Variants in MAD1L1 observed in about 807,000 individuals in gnomAD.
The protein encoded by MAD1L1 is mitotic spindle assembly checkpoint protein MAD1.
A neutral mutation model predicts 96.9 loss-of-function variants in MAD1L1; 95 were observed. That is an observed-to-expected ratio of 0.98 (90% CI 0.83 to 1.16). The LOEUF is 1.16. Among genes scored for constraint, MAD1L1 ranks in the 50% most tolerant of loss-of-function variants. The pLI, the probability that MAD1L1 is intolerant of heterozygous loss-of-function variation, is 0.00. For synonymous variants in MAD1L1, 473 were observed against 396.6 expected, an observed-to-expected ratio of 1.19 and a Z score of -2.29; for missense variants, 1,007 against 954.4, an observed-to-expected ratio of 1.06 and a Z score of -0.73.
At chr7:1,961,353 G>A (rs551148548) in intron 15 of MAD1L1, among the ~76,000 whole-genome samples, 11 of 152,316 alleles carry the variant, frequency 7.2e-5, no homozygotes, top group South Asian at 2.1e-4. Flanking sequence ...CGTTAAAGCC[G>A]TAGTAATCAC....
At chr7:2,055,292 G>C (rs1290725055) in intron 12 of MAD1L1, among the ~76,000 whole-genome samples, 2 of 152,172 alleles carry the variant, frequency 1.3e-5, no homozygotes, top group Admixed American at 1.3e-4. Context: ...GGAGCTGGGG[G>C]TGAGCCAGGC....
chr7:1,880,919 C>G (rs993770444), intron 18 of MAD1L1, among the ~76,000 whole-genome samples: 1 of 152,186 alleles, frequency 6.6e-6, no homozygotes, highest in Non-Finnish European at 1.5e-5. Context: ...AGGAGTGGAG[C>G]CTGGAGCCTG....
chr7:1,977,085 T>A (rs1382789782), intron 15 of MAD1L1, among the ~76,000 whole-genome samples: 2 of 152,256 alleles, frequency 1.3e-5, no homozygotes, highest in Non-Finnish European at 2.9e-5. Context: ...GGGGCAGAGC[T>A]GCCTGCCAGT....
chr7:1,948,012 C>T (rs907062857), intron 16 of MAD1L1, among the ~76,000 whole-genome samples: 8 of 152,280 alleles, frequency 5.3e-5, no homozygotes, highest in Admixed American at 1.3e-4. Context: ...GACCAGTGCC[C>T]GGGAGCGGTG....
intron 12 of MAD1L1, among the ~76,000 whole-genome samples, chr7:2,037,674 A>G (rs1783500731): frequency 6.6e-6 from 1 of 152,110 alleles, no homozygotes; most frequent in African/African-American, 2.4e-5. Flanking sequence ...TACTGCTGTC[A>G]TTGATTCTGG....
At chr7:1,986,353 ACGC>A (rs1781140525) in intron 14 of MAD1L1, among the ~76,000 whole-genome samples, 1 of 151,492 alleles carries the variant, frequency 6.6e-6, no homozygotes. Context: ...TTGGAACCAC[ACGC>A]CAGTCCAGCT....
intron 10 of MAD1L1, among the ~76,000 whole-genome samples, chr7:2,194,642 C>T (rs1791894282): frequency 6.6e-6 from 1 of 152,102 alleles, no homozygotes; most frequent in Non-Finnish European, 1.5e-5. Flanking sequence ...AATACCCAGC[C>T]CTTTACAGAA....
intron 1 of MAD1L1, among the ~76,000 whole-genome samples, chr7:2,231,671 A>G (rs527827859): frequency 6.6e-6 from 1 of 152,352 alleles, no homozygotes; most frequent in South Asian, 2.1e-4. Flanking sequence ...GAGGCATGCA[A>G]CAGTGACAGT....
chr7:1,845,742 G>A (rs1783585689), intron 18 of MAD1L1: 2 of 152,406 alleles, frequency 1.3e-5, no homozygotes, highest in Admixed American at 1.3e-4. Flanking sequence ...CACGCGTCGG[G>A]TTCCGGCTCA....
At chr7:1,867,562 T>C (rs1009494111) in intron 18 of MAD1L1, among the ~76,000 whole-genome samples, 2 of 152,188 alleles carry the variant, frequency 1.3e-5, no homozygotes, top group African/African-American at 4.8e-5. Context: ...AGGTGGGCCA[T>C]GGGGCGCGGA....
chr7:1,862,632 T>C (rs918171581), intron 18 of MAD1L1, among the ~76,000 whole-genome samples: 1 of 152,230 alleles, frequency 6.6e-6, no homozygotes, highest in African/African-American at 2.4e-5. Flanking sequence ...CCCTGGCCGG[T>C]CCAGCAAGTG....
chr7:1,887,227 G>C (rs972041725), intron 18 of MAD1L1, among the ~76,000 whole-genome samples: 8 of 151,780 alleles, frequency 5.3e-5, no homozygotes, highest in Non-Finnish European at 1.0e-4. Flanking sequence ...GTGTGTGTGA[G>C]CATGTGTATG....
At chr7:2,132,332 T>C (rs2128568795) in intron 11 of MAD1L1, among the ~76,000 whole-genome samples, 1 of 152,326 alleles carries the variant, frequency 6.6e-6, no homozygotes, top group Non-Finnish European at 1.5e-5. Context: ...TTGTCATGTC[T>C]TACATTCTCG....
At chr7:2,200,883 G>A (rs1792257886) in intron 10 of MAD1L1, among the ~76,000 whole-genome samples, 2 of 152,182 alleles carry the variant, frequency 1.3e-5, no homozygotes, top group Non-Finnish European at 2.9e-5. Flanking sequence ...AAGCGTGCAG[G>A]AGCTGGGAGG....
chr7:1,826,750 G>A (rs1448317088), intron 18 of MAD1L1, among the ~76,000 whole-genome samples: 1 of 152,252 alleles, frequency 6.6e-6, no homozygotes, highest in Non-Finnish European at 1.5e-5. Flanking sequence ...AACGGAAGCT[G>A]GCAAAAAGTG....
chr7:2,111,819 G>A (rs971950778), intron 11 of MAD1L1, among the ~76,000 whole-genome samples: 4 of 152,222 alleles, frequency 2.6e-5, no homozygotes, highest in Admixed American at 1.3e-4. Flanking sequence ...CACCGCGAAC[G>A]CACACACCGG....
intron 11 of MAD1L1, among the ~76,000 whole-genome samples, chr7:2,082,531 G>A (rs1023836531): frequency 6.6e-6 from 1 of 152,312 alleles, no homozygotes; most frequent in African/African-American, 2.4e-5. Flanking sequence ...GGCTCTGGCC[G>A]GCGTCGCCGG....
At chr7:2,028,593 A>C (rs1270708693) in intron 12 of MAD1L1, among the ~76,000 whole-genome samples, 1 of 152,162 alleles carries the variant, frequency 6.6e-6, no homozygotes, top group Non-Finnish European at 1.5e-5. Context: ...AATCTACGTG[A>C]AGAGGCGGAT....
intron 12 of MAD1L1, among the ~76,000 whole-genome samples, chr7:2,046,140 G>A (rs1783907995): frequency 6.6e-6 from 1 of 152,184 alleles, no homozygotes; most frequent in Non-Finnish European, 1.5e-5. Context: ...CTCCTGGGAT[G>A]CGGGTGGTGG....
Sources: gnomAD v4.1 joint callset for allele counts (sites outside exome capture counted in the v4.1 genomes callset) on GRCh38, gnomAD v4.1.1 for gene constraint, MANE v1.5 for transcripts, NCBI Gene and HGNC (gene_info 2026-07-23, HGNC 2026-07-21) for gene names.